The following STK3 variants were observed in gnomAD, a reference collection of about 807,000 sequenced individuals.
The protein encoded by STK3 is serine/threonine kinase 3.
A neutral mutation model predicts 58.0 loss-of-function variants in STK3; 41 were observed. That is an observed-to-expected ratio of 0.71 (90% confidence interval 0.55 to 0.92). The LOEUF (loss-of-function observed/expected upper bound fraction) is 0.92, where lower values mean the gene tolerates loss of function less well. STK3 is among the 40% of genes least tolerant of loss of function. The pLI, the probability that STK3 is intolerant of heterozygous loss-of-function variation, is 0.00. For synonymous variants in STK3, 170 were observed against 191.0 expected (o/e 0.89, Z 0.91); for missense variants, 479 against 602.7 (o/e 0.79, Z 2.15).
chr8:98,712,562 T>G (rs537469265), intron 4 of STK3, among the ~76,000 whole-genome samples: 3,023 of 151,446 alleles, frequency 0.02, 119 homozygotes, highest in African/African-American at 0.069. Context: ...GGTAAAGGGA[T>G]CAATTCAACA....
At chr8:98,541,430 T>C (rs1162920483) in intron 9 of STK3, among the ~76,000 whole-genome samples, 2 of 152,136 alleles carry the variant, frequency 1.3e-5, no homozygotes, top group Non-Finnish European at 2.9e-5. Flanking sequence ...CCTTCCACCA[T>C]GATTGCAGGT....
At position 98,428,714 on chromosome 8, in the gene STK3, G is replaced by T; in HGVS notation, n.483+5413C>A. ...GGTTCACATTTGAGCTGGTGGCCAG[G>T]TTTGCTGTGGCCCCTGACTTCCTCA... On this transcript the variant is annotated intron_variant and non_coding_transcript_variant, in intron 3 of 3. Transcript: ENST00000517832. The surrounding 1 kb of genome is among the most constrained non-coding windows in gnomAD (Gnocchi z 6.7). The T allele has an allele frequency of 6.2e-7, 1 of 1,614,228 alleles. No homozygotes were observed. Among genetic ancestry groups the T allele is most frequent in the Non-Finnish European group, 8.5e-7 (1 of 1,180,038 alleles).
the STK3 span, among the ~76,000 whole-genome samples, chr8:98,352,136 C>CAAAAAA: frequency 9.1e-6 from 1 of 110,454 alleles, no homozygotes; most frequent in African/African-American, 3.5e-5. Context: ...GACTCTGTCT[C>CAAAAAA]AAAAAAAAAA....
intron 9 of STK3, among the ~76,000 whole-genome samples, chr8:98,540,133 A>G (rs551635002): frequency 6.6e-6 from 1 of 152,302 alleles, no homozygotes; most frequent in East Asian, 1.9e-4. Flanking sequence ...GCTCCAGTGT[A>G]TCTCCAGCCT....
At chr8:98,936,276 G>C (rs1417101112) in intron 1 of STK3, among the ~76,000 whole-genome samples, 1 of 152,058 alleles carries the variant, frequency 6.6e-6, no homozygotes. Context: ...GACACAGAGG[G>C]TTCAACAAGC....
intron 1 of STK3, among the ~76,000 whole-genome samples, chr8:98,793,097 G>A (rs1832909757): frequency 6.6e-6 from 1 of 152,130 alleles, no homozygotes; most frequent in African/African-American, 2.4e-5. Flanking sequence ...AACATCATAT[G>A]TTCTCACTGA....
intron 9 of STK3, among the ~76,000 whole-genome samples, chr8:98,540,877 G>A (rs1185088391): frequency 6.6e-6 from 1 of 152,166 alleles, no homozygotes; most frequent in Admixed American, 6.5e-5. Flanking sequence ...TGTCATAGAG[G>A]CTTGATTATT....
chr8:98,890,720 A>C (rs2131922252), intron 1 of STK3, among the ~76,000 whole-genome samples: 1 of 152,382 alleles, frequency 6.6e-6, no homozygotes, highest in South Asian at 2.1e-4. Flanking sequence ...CTTGAAGAAG[A>C]AAAGAAAACA....
intron 7 of STK3, among the ~76,000 whole-genome samples, chr8:98,589,368 C>G (rs897426464): frequency 6.6e-6 from 1 of 152,224 alleles, no homozygotes; most frequent in African/African-American, 2.4e-5. Flanking sequence ...TGTGAGGTGT[C>G]AGTGTGCCCC....
chr8:98,655,548 A>G (rs1179214227), intron 6 of STK3, among the ~76,000 whole-genome samples: 1 of 152,006 alleles, frequency 6.6e-6, no homozygotes, highest in Non-Finnish European at 1.5e-5. Context: ...GTGAACAGGC[A>G]ACCTACAACA....
At chr8:98,566,646 G>GT (rs1208905167) in intron 8 of STK3, among the ~76,000 whole-genome samples, 1 of 152,040 alleles carries the variant, frequency 6.6e-6, no homozygotes, top group African/African-American at 2.4e-5. Context: ...CTTGCTCTGT[G>GT]TCATTATTTG....
chr8:98,938,315 GAGA>G (rs1444183694), intron 1 of STK3, among the ~76,000 whole-genome samples: 2 of 152,306 alleles, frequency 1.3e-5, no homozygotes, highest in African/African-American at 2.4e-5. Context: ...TGGCCGAGGA[GAGA>G]AGTTCAAGTG....
chr8:98,931,892 A>G (rs1268505300), intron 1 of STK3, among the ~76,000 whole-genome samples: 1 of 152,248 alleles, frequency 6.6e-6, no homozygotes, highest in African/African-American at 2.4e-5. Flanking sequence ...CTCTTGCTCC[A>G]GGAATGTTGT....
chr8:98,428,387 C>A lies in STK3; in HGVS notation n.483+5740G>T, dbSNP rs1159570482. 1.9e-6 allele frequency: 3 copies of A among 1,614,162 alleles called. No homozygotes were observed. Among genetic ancestry groups the A allele is most frequent in the Admixed American group, 1.7e-5 (1 of 60,020 alleles). ...TAGAGCCCGAGCAGGAGAAGTGGGACGAGCAGAGTGACCAGGAGAGCACCA... is the reference window on the plus strand; with the variant it reads ...TAGAGCCCGAGCAGGAGAAGTGGGAAGAGCAGAGTGACCAGGAGAGCACCA... On this transcript the variant is annotated intron_variant and non_coding_transcript_variant, in intron 3 of 3. Coordinates refer to the STK3 transcript ENST00000517832. This position sits in a 1 kb window ranked among gnomAD's most constrained non-coding sequence, Gnocchi z 6.7.
chr8:98,741,664 C>G (rs1429768562), intron 4 of STK3, among the ~76,000 whole-genome samples: 8 of 151,866 alleles, frequency 5.3e-5, no homozygotes, highest in Admixed American at 5.3e-4. Context: ...AAATTGACAC[C>G]CTAACATCAC....
intron 6 of STK3, among the ~76,000 whole-genome samples, chr8:98,658,399 G>A (rs1458354057): frequency 1.3e-5 from 2 of 152,014 alleles, no homozygotes; most frequent in Non-Finnish European, 2.9e-5. Context: ...GGATGCACCA[G>A]TGACAAAGTT....
chr8:98,687,064 T>C lies in STK3; in HGVS notation c.684+19403A>G, dbSNP rs114252750. Among the ~76,000 whole-genome samples, 607 of 152,162 alleles carry C rather than the reference T, an allele frequency of 4.0e-3. 3 individuals are homozygous for C. Among genetic ancestry groups the C allele is most frequent in the African/African-American group, 0.013 (537 of 41,498 alleles). The stretch of plus-strand genomic sequence containing the variant: ...CTTGCTAGAGGGATCAACATGCAGA[T>C]ACAAGAAATCCAGATAACTCCTACA... On this transcript the variant is annotated intron_variant, in intron 6 of 10. Transcript: ENST00000419617.
Position 98,872,491 on chromosome 8 carries a change from C to T in STK3, c.110+11156G>A, listed in dbSNP as rs1009609643. Among the ~76,000 whole-genome samples the T allele has an allele frequency of 6.6e-5, 10 of 152,086 alleles. No individual in the cohort carries two copies. The East Asian group carries it at 1.9e-3, about 29-fold the overall frequency. On this transcript the variant is annotated intron_variant, in intron 3 of 12. Coordinates refer to the STK3 transcript ENST00000523601. ...CTGGTCCTGGACTTTGGTTGGTAGG[C>T]TATTAATTATTGCCTCAATTTCAGA...
At position 98,428,196 on chromosome 8, in the gene STK3, C is replaced by A. The variant is rs567295212; in HGVS notation, n.483+5931G>T. 6 of 1,614,006 alleles carry A rather than the reference C, an allele frequency of 3.7e-6. No individual in the cohort carries two copies. The highest frequency in any genetic ancestry group is 5.1e-6 in the Non-Finnish European group (6 of 1,180,034). On this transcript the variant is annotated intron_variant and non_coding_transcript_variant, in intron 3 of 3. Coordinates refer to the STK3 transcript ENST00000517832. This position sits in a 1 kb window ranked among gnomAD's most constrained non-coding sequence, Gnocchi z 6.7. The stretch of plus-strand genomic sequence containing the variant: ...CGTCCAGCGGGAGTTCTACTTCGAC[C>A]GCAACCCTGAGCTCTTCCCCTACGT...
Sources: allele counts gnomAD v4.1 joint callset (sites outside exome capture counted in the v4.1 genomes callset), GRCh38; gene constraint gnomAD v4.1.1; non-coding constraint Gnocchi (gnomAD v3.1); transcripts MANE v1.5; gene names NCBI Gene and HGNC (gene_info 2026-07-23, HGNC 2026-07-21).